The following ADAM9 variants were observed in gnomAD, a reference collection of about 807,000 sequenced individuals.
ADAM9 encodes the protein ADAM metallopeptidase domain 9.
Under a neutral mutation model 108.1 loss-of-function variants are expected in ADAM9, and 54 were observed. That is an observed-to-expected ratio of 0.50 (90% CI 0.40 to 0.63). The LOEUF (loss-of-function observed/expected upper bound fraction) is 0.63, where lower values mean the gene tolerates loss of function less well. Among genes scored for constraint, ADAM9 ranks in the 20% least tolerant of loss-of-function variants. The pLI, the probability that ADAM9 is intolerant of heterozygous loss-of-function variation, is 0.00. For missense variants in ADAM9, 830 were observed against 997.7 expected (o/e 0.83, Z 2.26); for synonymous variants, 316 against 336.0 (o/e 0.94, Z 0.65).
intron 19 of ADAM9, 129 bp from the exon 20 acceptor site, chr8:39,091,130 T>C: frequency 1.2e-6 from 1 of 868,598 alleles, no homozygotes; most frequent in South Asian, 1.4e-5. Flanking sequence ...ATTTAAACCG[T>C]ATCATGATTA....
chr8:39,045,113 C>CATATATGTGT (rs1174023414), intron 12 of ADAM9, among the ~76,000 whole-genome samples: 1 of 14,676 alleles, frequency 6.8e-5, no homozygotes, highest in African/African-American at 4.5e-4. Context: ...TGCATACATA[C>CATATATGTGT]ATATGTGTGT....
chr8:39,030,722 A>G (rs1480391520), intron 11 of ADAM9, among the ~76,000 whole-genome samples: 2 of 152,238 alleles, frequency 1.3e-5, no homozygotes, highest in Non-Finnish European at 2.9e-5. Flanking sequence ...CCAACAGTGA[A>G]TGAGAATTGC....
At chr8:39,084,245 T>C (rs957205408) in intron 18 of ADAM9, among the ~76,000 whole-genome samples, 5 of 152,122 alleles carry the variant, frequency 3.3e-5, no homozygotes, top group African/African-American at 1.2e-4. Context: ...TTATGAAATA[T>C]GTGCCTTGTA....
intron 7 of ADAM9, 66 bp downstream of exon 7, chr8:39,018,984 G>T: frequency 1.4e-6 from 2 of 1,408,410 alleles, no homozygotes; most frequent in Non-Finnish European, 1.0e-6. Flanking sequence ...ATTTAATGAA[G>T]GAAATCTAAA....
intron 9 of ADAM9, among the ~76,000 whole-genome samples, chr8:39,023,705 A>G (rs577339079): frequency 2.2e-4 from 23 of 106,620 alleles, no homozygotes; most frequent in Non-Finnish European, 4.1e-4. Flanking sequence ...GTAACTCAGT[A>G]TTTCCTAGGC....
chr8:39,064,293 T>C (rs1490754738), intron 14 of ADAM9, among the ~76,000 whole-genome samples: 1 of 152,194 alleles, frequency 6.6e-6, no homozygotes, highest in Non-Finnish European at 1.5e-5. Context: ...AGATAGCCCA[T>C]TCTAGAAACC....
chr8:39,023,073 G>A (rs1836798636), intron 8 of ADAM9, 83 bp from the exon 9 acceptor site: 1 of 1,233,266 alleles, frequency 8.1e-7, no homozygotes, highest in African/African-American at 1.5e-5. Flanking sequence ...TTTAATTTAA[G>A]TAGCCGTGTT....
In ADAM9 at chr8:39,045,338, C is replaced by A. The variant is rs1434587657; in HGVS notation, c.1302+3221C>A. 2.6e-3 allele frequency among the ~76,000 whole-genome samples: 301 copies of A among 114,648 alleles called. 49 individuals carry two copies. Among genetic ancestry groups the A allele is most frequent in the African/African-American group, 6.6e-3 (191 of 29,064 alleles). The allele number at this position is 114,648 out of a possible 152,430, so 75.2% of individuals were successfully genotyped here. On this transcript the variant is annotated intron_variant, in intron 12 of 21. Transcript: ENST00000487273. The stretch of plus-strand genomic sequence containing the variant: ...TACACCTATACATGTGTGTGTACAC[C>A]TATACATGTGTGTACATACATATAG...
chr8:39,077,691 C>T (rs945835073), intron 16 of ADAM9, among the ~76,000 whole-genome samples: 2 of 152,132 alleles, frequency 1.3e-5, no homozygotes, highest in East Asian at 1.9e-4. Context: ...TTTGCTATTA[C>T]TGGGACACTT....
chr8:39,091,059 G>A (rs973796960), intron 19 of ADAM9, among the ~76,000 whole-genome samples, 200 bp from the exon 20 acceptor site: 1 of 152,186 alleles, frequency 6.6e-6, no homozygotes, highest in Non-Finnish European at 1.5e-5. Context: ...AATGTGGTTA[G>A]TAATGCTTTC....
chr8:39,025,269 G>GT (rs1039246145), intron 9 of ADAM9, among the ~76,000 whole-genome samples: 6 of 152,038 alleles, frequency 3.9e-5, no homozygotes, highest in East Asian at 1.9e-4. Flanking sequence ...TTTCGTATTT[G>GT]TTTTTTTAGT....
intron 9 of ADAM9, among the ~76,000 whole-genome samples, chr8:39,023,759 TTTTTG>T (rs1195323042): frequency 1.4e-5 from 2 of 144,410 alleles, no homozygotes; most frequent in East Asian, 2.0e-4. Flanking sequence ...TTTTTTTTTT[TTTTTG>T]GAGACAGAGT....
chr8:39,048,066 G>A (rs569457550), intron 12 of ADAM9, among the ~76,000 whole-genome samples: 20 of 151,618 alleles, frequency 1.3e-4, no homozygotes, highest in East Asian at 9.7e-4. Flanking sequence ...GATTACAGGC[G>A]CGCACCACCA....
chr8:39,086,173 C>G (rs562944965), intron 18 of ADAM9, among the ~76,000 whole-genome samples: 2 of 152,162 alleles, frequency 1.3e-5, no homozygotes, highest in African/African-American at 4.8e-5. Flanking sequence ...TGCCACCACG[C>G]CTGGCTAACT....
At chr8:39,024,432 T>C (rs181154442) in intron 9 of ADAM9, among the ~76,000 whole-genome samples, 1 of 152,292 alleles carries the variant, frequency 6.6e-6, no homozygotes, top group Admixed American at 6.5e-5. Flanking sequence ...GTTAGAGACA[T>C]TTCCCAGATG....
intron 18 of ADAM9, among the ~76,000 whole-genome samples, chr8:39,084,172 AT>A (rs1839109032): frequency 2.0e-5 from 3 of 152,004 alleles, no homozygotes; most frequent in African/African-American, 7.2e-5. Flanking sequence ...CCAGTTTTTA[AT>A]GGATTGTCTT....
intron 6 of ADAM9, 146 bp from the exon 7 acceptor site, chr8:39,018,705 CAT>C (rs1836630566): frequency 1.3e-5 from 10 of 754,974 alleles, no homozygotes; most frequent in Non-Finnish European, 2.0e-5. Flanking sequence ...CTTCAAAAAA[CAT>C]ATTTTTCACT....
At chr8:39,000,087 C>T (rs951680832) in intron 1 of ADAM9, among the ~76,000 whole-genome samples, 52 of 151,846 alleles carry the variant, frequency 3.4e-4, no homozygotes, top group Admixed American at 3.3e-3. Context: ...TGCAGTGGCA[C>T]GATCTCGGCC....
intron 12 of ADAM9, among the ~76,000 whole-genome samples, chr8:39,045,406 ATGTGCG>A (rs1837704333): frequency 3.6e-5 from 5 of 138,018 alleles, no homozygotes; most frequent in African/African-American, 9.3e-5. Context: ...ACACACCTAT[ATGTGCG>A]CGTGTGTACA....
Sources: allele counts gnomAD v4.1 joint callset (sites outside exome capture counted in the v4.1 genomes callset), GRCh38; gene constraint gnomAD v4.1.1; transcripts MANE v1.5; gene names NCBI Gene and HGNC (gene_info 2026-07-23, HGNC 2026-07-21).